Variants in CSMD1 observed in about 807,000 individuals in gnomAD.
CSMD1 encodes CUB and sushi domain-containing protein 1.
A neutral mutation model predicts 417.5 loss-of-function variants in CSMD1; 213 were observed. That is an observed-to-expected ratio of 0.51 (90% CI 0.46 to 0.57). The LOEUF (loss-of-function observed/expected upper bound fraction) is 0.57, where lower values mean the gene tolerates loss of function less well. CSMD1 is among the 20% of genes least tolerant of loss of function. The probability of loss-of-function intolerance (pLI) is 0.00; values close to 1 mark genes in which losing one functional copy is unlikely to be tolerated. For synonymous variants in CSMD1, 2,862 were observed against 1,736.8 expected, an observed-to-expected ratio of 1.65 and a Z score of -16.11; for missense variants, 6,923 against 4,529.7, an observed-to-expected ratio of 1.53 and a Z score of -15.17.
At chr8:4,727,996 A>G (rs1315138503) in intron 1 of CSMD1, among the ~76,000 whole-genome samples, 2 of 144,514 alleles carry the variant, frequency 1.4e-5, no homozygotes, top group African/African-American at 5.0e-5. Context: ...TACAAAATAT[A>G]TATTTATATA....
intron 1 of CSMD1, among the ~76,000 whole-genome samples, chr8:4,839,643 A>G (rs1454309631): frequency 1.3e-5 from 2 of 152,158 alleles, no homozygotes; most frequent in Non-Finnish European, 2.9e-5. Context: ...TTCCTCACAC[A>G]TGGTTGGGCA....
chr8:3,943,605 G>A (rs184695818), intron 5 of CSMD1, among the ~76,000 whole-genome samples: 179 of 152,048 alleles, frequency 1.2e-3, no homozygotes, highest in African/African-American at 4.0e-3. Context: ...GAAATAGCTG[G>A]TAAACCCCAT....
At chr8:2,978,998 G>T (rs1171508007) in intron 54 of CSMD1, among the ~76,000 whole-genome samples, 198 bp from the exon 55 acceptor site, 2 of 152,154 alleles carry the variant, frequency 1.3e-5, no homozygotes, top group Non-Finnish European at 2.9e-5. Flanking sequence ...TCAAGAACTG[G>T]TCGACCACGA....
At chr8:3,432,508 CT>C (rs769207768) in intron 12 of CSMD1, among the ~76,000 whole-genome samples, 12,766 of 104,958 alleles carry the variant, frequency 0.12, 260 homozygotes, top group Middle Eastern at 0.2. Context: ...TCAATATGGG[CT>C]TTTTTTTTTT....
chr8:4,327,782 C>A (rs150955348), intron 3 of CSMD1, among the ~76,000 whole-genome samples: 12 of 152,230 alleles, frequency 7.9e-5, no homozygotes, highest in African/African-American at 2.9e-4. Flanking sequence ...ATCATAAAAC[C>A]AAATGTAACT....
At chr8:4,374,260 A>C (rs747813331) in intron 3 of CSMD1, among the ~76,000 whole-genome samples, 2 of 151,956 alleles carry the variant, frequency 1.3e-5, no homozygotes, top group Non-Finnish European at 2.9e-5. Context: ...GTGTGAGTTA[A>C]TTTTTTTTAA....
At chr8:3,810,557 G>A (rs1018915647) in intron 5 of CSMD1, among the ~76,000 whole-genome samples, 9 of 152,072 alleles carry the variant, frequency 5.9e-5, no homozygotes, top group Non-Finnish European at 1.2e-4. Context: ...ATCAACCGAG[G>A]GTCAGTCTAC....
At chr8:3,515,942 T>C (rs1797264815) in intron 10 of CSMD1, among the ~76,000 whole-genome samples, 1 of 152,192 alleles carries the variant, frequency 6.6e-6, no homozygotes, top group Admixed American at 6.5e-5. Flanking sequence ...CTAGTATGTG[T>C]TTGAGTGACG....
intron 1 of CSMD1, among the ~76,000 whole-genome samples, chr8:4,730,948 C>T (rs996531954): frequency 2.6e-5 from 4 of 152,048 alleles, no homozygotes; most frequent in African/African-American, 9.7e-5. Context: ...GCCAGTGTTC[C>T]TGCCTATTGG....
intron 6 of CSMD1, among the ~76,000 whole-genome samples, chr8:3,734,435 G>A (rs114530041): frequency 6.6e-6 from 1 of 152,200 alleles, no homozygotes. Context: ...ACTCTGCCAG[G>A]TGCGATGGCT....
At chr8:3,624,308 G>A (rs1054548792) in intron 7 of CSMD1, among the ~76,000 whole-genome samples, 1 of 152,160 alleles carries the variant, frequency 6.6e-6, no homozygotes, top group African/African-American at 2.4e-5. Flanking sequence ...GACTTTCCAT[G>A]GAGAATATAA....
chr8:3,753,815 G>C (rs1030295217), intron 6 of CSMD1, 115 bp downstream of exon 6: 1 of 649,068 alleles, frequency 1.5e-6, no homozygotes, highest in Non-Finnish European at 2.6e-6. Flanking sequence ...GTGAATAAAA[G>C]AATTAGAAAC....
intron 12 of CSMD1, among the ~76,000 whole-genome samples, chr8:3,449,683 A>G (rs568755260): frequency 2.6e-5 from 4 of 152,144 alleles, no homozygotes; most frequent in South Asian, 4.1e-4. Flanking sequence ...ATGCCTGGCT[A>G]ATTTTTGTAT....
chr8:4,697,357 A>G (rs1267160876), intron 1 of CSMD1, among the ~76,000 whole-genome samples: 2 of 152,086 alleles, frequency 1.3e-5, no homozygotes, highest in Admixed American at 1.3e-4. Context: ...AATATTTATG[A>G]TGCTTTCATT....
intron 5 of CSMD1, among the ~76,000 whole-genome samples, chr8:3,853,536 G>A (rs1478708174): frequency 3.3e-5 from 5 of 152,202 alleles, no homozygotes; most frequent in African/African-American, 7.2e-5. Flanking sequence ...ACTAGAAGAT[G>A]CTCAATCAAT....
At chr8:4,887,873 G>A (rs1347244573) in intron 1 of CSMD1, among the ~76,000 whole-genome samples, 2 of 151,780 alleles carry the variant, frequency 1.3e-5, no homozygotes, top group East Asian at 3.9e-4. Flanking sequence ...ACTGATATTT[G>A]CATAATGCGT....
At chr8:3,728,374 T>C (rs932031493) in intron 6 of CSMD1, among the ~76,000 whole-genome samples, 8 of 152,192 alleles carry the variant, frequency 5.3e-5, no homozygotes, top group Non-Finnish European at 1.5e-5. Flanking sequence ...CCTTTATCAA[T>C]TACCCAGTAT....
chr8:4,884,484 T>C (rs1488014669), intron 1 of CSMD1, among the ~76,000 whole-genome samples: 1 of 151,940 alleles, frequency 6.6e-6, no homozygotes, highest in African/African-American at 2.4e-5. Context: ...CATGCCTGTG[T>C]TTTCTTTGTA....
chr8:4,898,904 T>C (rs1205653009), intron 1 of CSMD1, among the ~76,000 whole-genome samples: 2 of 152,222 alleles, frequency 1.3e-5, no homozygotes, highest in Non-Finnish European at 2.9e-5. Flanking sequence ...ATTTATCGTT[T>C]AATAAGATTA....
Sources: allele counts gnomAD v4.1 joint callset (sites outside exome capture counted in the v4.1 genomes callset), GRCh38; gene constraint gnomAD v4.1.1; transcripts MANE v1.5; gene names NCBI Gene and HGNC (gene_info 2026-07-23, HGNC 2026-07-21).